The following HAUS1 variants were observed in gnomAD, a reference collection of about 807,000 sequenced individuals.
The protein encoded by HAUS1 is HAUS augmin like complex subunit 1, also known as HAUS augmin-like complex subunit 1.
HAUS1 carries 25 observed loss-of-function variants against 38.6 expected under a neutral mutation model. That is an observed-to-expected ratio of 0.65 (90% CI 0.47 to 0.91). The LOEUF is 0.91. HAUS1 is among the 40% of genes least tolerant of loss of function. The pLI is 0.00. For synonymous variants in HAUS1, 109 were observed against 112.9 expected (o/e 0.97, Z 0.22); for missense variants, 325 against 328.4 (o/e 0.99, Z 0.08).
At chr18:46,122,353 G>C in intron 4 of HAUS1, 114 bp from the exon 5 acceptor site, 1 of 1,021,534 alleles carries the variant, frequency 9.8e-7, no homozygotes, top group Non-Finnish European at 1.5e-6. Context: ...AGATGACCTG[G>C]TTACCAACTC....
In HAUS1 at chr18:46,115,627, C is replaced by CA. The variant is rs202080708; in HGVS notation, c.206-2545dup. Reference sequence around the variant, plus strand: ...TGGGTGACAGAGTGAGACCCTGCCTCAAAAAAAAAGCCTAAAAAATATGAG... The same window carrying CA: ...TGGGTGACAGAGTGAGACCCTGCCTCAAAAAAAAAAGCCTAAAAAATATGAG... On this transcript the variant is annotated intron_variant, in intron 2 of 8. Transcript: ENST00000282058. 5.8e-3 allele frequency among the ~76,000 whole-genome samples: 846 copies of CA among 146,110 alleles called. 7 individuals are homozygous for CA. Among genetic ancestry groups the CA allele is most frequent in the Non-Finnish European group, 7.3e-3 (483 of 66,312 alleles).
intron 2 of HAUS1, among the ~76,000 whole-genome samples, chr18:46,110,607 G>T (rs1054527738): frequency 1.3e-5 from 2 of 151,954 alleles, no homozygotes; most frequent in African/African-American, 4.8e-5. Context: ...CTCTCAAAGT[G>T]CTGGGATTAC....
chr18:46,113,134 T>C (rs1911718056), intron 2 of HAUS1, among the ~76,000 whole-genome samples: 1 of 148,140 alleles, frequency 6.8e-6, no homozygotes, highest in Non-Finnish European at 1.5e-5. Context: ...GCTGGAGCAG[T>C]GGCGGAATCT....
intron 2 of HAUS1, among the ~76,000 whole-genome samples, chr18:46,117,169 C>G (rs1273559919): frequency 6.6e-6 from 1 of 152,168 alleles, no homozygotes; most frequent in Non-Finnish European, 1.5e-5. Context: ...ATATGACCAG[C>G]AATTCCACTT....
In HAUS1 at chr18:46,118,308, G is replaced by C; in HGVS notation, c.333G>C (p.Ser111=). 2 of 1,613,470 alleles carry C rather than the reference G, an allele frequency of 1.2e-6. No homozygotes were observed. Among genetic ancestry groups the C allele is most frequent in the East Asian group, 2.2e-5 (1 of 44,874 alleles). Residue 111 remains serine, a synonymous_variant, in exon 3 of 9, where the codon TCG becomes TCC. Coordinates refer to ENST00000282058, the MANE Select transcript of HAUS1 (RefSeq NM_138443.4). ...TGGCCCTTGAAACAAAGGATACCTC[G>C]CTAGCTAGGTAATTCTTATGACAGT... ...SAVALETKDT[S]LASFIPAVND...
Position 46,123,356 on chromosome 18 carries a change from C to T in HAUS1, c.658C>T (p.Leu220=). Residue 220 remains leucine, a synonymous_variant, in exon 6 of 9, where the codon CTA becomes TTA. Coordinates refer to ENST00000282058, the MANE Select transcript of HAUS1 (RefSeq NM_138443.4). ...TCTGTCTCATCAGTCCTTAGTAGCA[C>T]TATCAGAGGTGAGCTTATTTTAACC... The part of the protein sequence containing the change: ...ASLSHQSLVA[L]SEKLARLKQQ... 6.2e-7 allele frequency: 1 copy of T among 1,605,086 alleles called. No individual in the cohort carries two copies. The highest frequency in any genetic ancestry group is 8.5e-7 in the Non-Finnish European group (1 of 1,173,754).
At chr18:46,108,271 CTTT>C (rs1166729740) in intron 2 of HAUS1, among the ~76,000 whole-genome samples, 3 of 115,204 alleles carry the variant, frequency 2.6e-5, no homozygotes, top group Admixed American at 8.9e-5. Context: ...GAATTTACTT[CTTT>C]TTTTTTTTTT....
chr18:46,119,851 G>A, intron 3 of HAUS1, 75 bp from the exon 4 acceptor site: 3 of 1,310,454 alleles, frequency 2.3e-6, no homozygotes, highest in Non-Finnish European at 3.1e-6. Flanking sequence ...GGGCAATAAA[G>A]TCATTTTTAG....
At position 46,122,550 on chromosome 18, in the gene HAUS1, CA is replaced by C. The variant is rs1163255239; in HGVS notation, c.563del (p.Lys188SerfsTer30). ...NRRQNMDFLK[A>X]KSEEFRFGIK... The stretch of plus-strand genomic sequence containing the variant: ...CGTCAGAACATGGACTTTCTAAAAG[CA>C]AAGTCAGAGGAATTCAGATTTGGAA... On this transcript the variant is annotated frameshift_variant, in exon 5 of 9. Transcript: ENST00000282058. LOFTEE classifies it high-confidence loss of function. 8.1e-6 allele frequency: 13 copies of C among 1,614,026 alleles called. No homozygotes were observed. Among genetic ancestry groups the C allele is most frequent in the Non-Finnish European group, 1.0e-5 (12 of 1,179,886 alleles).
intron 6 of HAUS1, among the ~76,000 whole-genome samples, chr18:46,124,010 G>A (rs1025707845): frequency 6.6e-6 from 1 of 152,096 alleles, no homozygotes; most frequent in Non-Finnish European, 1.5e-5. Context: ...CAAAGTGCTG[G>A]GGTTAGAAGT....
intron 4 of HAUS1, among the ~76,000 whole-genome samples, chr18:46,120,772 G>T (rs1911916286): frequency 6.6e-6 from 1 of 151,694 alleles, no homozygotes; most frequent in South Asian, 2.1e-4. Context: ...TTTCAGTAGA[G>T]ACAGGGTTTC....
chr18:46,112,997 CAT>C (rs748312701), intron 2 of HAUS1, among the ~76,000 whole-genome samples: 1 of 43,866 alleles, frequency 2.3e-5, no homozygotes, highest in Admixed American at 2.5e-4. Flanking sequence ...ATATATATTC[CAT>C]ATATATGGAA....
intron 2 of HAUS1, among the ~76,000 whole-genome samples, chr18:46,110,622 G>A (rs1568262720): frequency 1.3e-5 from 2 of 151,674 alleles, no homozygotes; most frequent in South Asian, 4.2e-4. Flanking sequence ...GATTACAGGC[G>A]TGAGTCACCA....
In HAUS1 at chr18:46,122,598, T is replaced by G; in HGVS notation, c.600+8T>G. 1 of 1,614,112 alleles carries G rather than the reference T, an allele frequency of 6.2e-7. No homozygotes were observed. Among genetic ancestry groups the G allele is most frequent in the Non-Finnish European group, 8.5e-7 (1 of 1,179,970 alleles). The stretch of plus-strand genomic sequence containing the variant: ...GGAATCAAGGCTGCAGAGGTTTGTA[T>G]GAAGGACCGAATATAGTTAGCTCTC... On this transcript the variant is annotated splice_region_variant and intron_variant, in intron 5 of 8. Transcript: ENST00000282058.
chr18:46,116,272 A>G (rs367757253), intron 2 of HAUS1, among the ~76,000 whole-genome samples: 20 of 152,142 alleles, frequency 1.3e-4, no homozygotes, highest in African/African-American at 4.1e-4. Flanking sequence ...TTACAACTCA[A>G]TAATAAAGCC....
chr18:46,105,298 G>C lies in HAUS1; in HGVS notation c.135G>C (p.Arg45Ser), dbSNP rs775149150. ...EILHHLSERN[R>S]VRDRDVYLVI... The stretch of plus-strand genomic sequence containing the variant: ...TACATCACCTTTCAGAACGCAACAG[G>C]GTCCGGGACAGGGATGTCTACCTGG... Residue 45 changes from arginine to serine, a missense_variant, in exon 2 of 9, where the codon AGG (arginine) becomes AGC (serine). Transcript: ENST00000282058. The C allele has an allele frequency of 1.9e-6, 3 of 1,613,538 alleles. No individual in the cohort carries two copies. Among genetic ancestry groups the C allele is most frequent in the Non-Finnish European group, 2.5e-6 (3 of 1,179,694 alleles).
intron 2 of HAUS1, among the ~76,000 whole-genome samples, 171 bp from the exon 3 acceptor site, chr18:46,118,010 G>A (rs1478939156): frequency 6.6e-6 from 1 of 152,134 alleles, no homozygotes; most frequent in African/African-American, 2.4e-5. Flanking sequence ...TTGGAGTGAT[G>A]AAAATGTTTT....
chr18:46,105,709 G>A (rs560422458), intron 2 of HAUS1, among the ~76,000 whole-genome samples: 135 of 151,902 alleles, frequency 8.9e-4, no homozygotes, highest in African/African-American at 3.0e-3. Flanking sequence ...AGCCTCCCAA[G>A]TAGCTGGGAC....
At chr18:46,115,130 T>C (rs1317231995) in intron 2 of HAUS1, 1 of 152,158 alleles carries the variant, frequency 6.6e-6, no homozygotes, top group Non-Finnish European at 1.5e-5. Context: ...AGAATGAAGT[T>C]GGACTCAAAC....
Sources: gnomAD v4.1 joint callset for allele counts (sites outside exome capture counted in the v4.1 genomes callset) on GRCh38, gnomAD v4.1.1 for gene constraint, MANE v1.5 for transcripts, NCBI Gene and HGNC (gene_info 2026-07-23, HGNC 2026-07-21) for gene names.